Variants in EYS observed in about 807,000 individuals in gnomAD.
The protein encoded by EYS is EGF-like photoreceptor maintenance factor, also known as protein eyes shut homolog.
In EYS, 250 loss-of-function variants were observed where a neutral mutation model predicts 282.1. The observed-to-expected ratio is 0.89, with a 90% CI of 0.80 to 0.98. The LOEUF is 0.98. EYS is among the 50% of genes least tolerant of loss of function. The pLI, the probability that EYS is intolerant of heterozygous loss-of-function variation, is 0.00. For synonymous variants in EYS, 1,355 were observed against 1,282.9 expected (o/e 1.06, Z -1.20); for missense variants, 4,016 against 3,709.0 (o/e 1.08, Z -2.15).
chr6:65,552,927 C>T (rs1216830411), intron 2 of EYS, among the ~76,000 whole-genome samples: 3 of 151,220 alleles, frequency 2.0e-5, no homozygotes, highest in African/African-American at 4.8e-5. Flanking sequence ...AGCCAAATAT[C>T]GAGGAAATTG....
intron 33 of EYS, among the ~76,000 whole-genome samples, chr6:64,034,317 A>C (rs1770008432): frequency 6.6e-6 from 1 of 152,226 alleles, no homozygotes; most frequent in African/African-American, 2.4e-5. Context: ...CCAGAGACCA[A>C]GTACTTTTAT....
intron 15 of EYS, among the ~76,000 whole-genome samples, chr6:64,915,882 GA>G (rs1357620267): frequency 1.1e-4 from 16 of 152,084 alleles, no homozygotes; most frequent in African/African-American, 3.9e-4. Context: ...ATGGAACTTA[GA>G]ATCCAGATCT....
At chr6:64,407,953 A>G (rs1178759751) in intron 28 of EYS, among the ~76,000 whole-genome samples, 2 of 152,016 alleles carry the variant, frequency 1.3e-5, no homozygotes, top group Non-Finnish European at 2.9e-5. Flanking sequence ...GGCTGGTCTC[A>G]AACTCCTGAC....
At chr6:64,385,659 C>A (rs904009112) in intron 29 of EYS, among the ~76,000 whole-genome samples, 1 of 152,102 alleles carries the variant, frequency 6.6e-6, no homozygotes, top group African/African-American at 2.4e-5. Flanking sequence ...CATCTTTCTG[C>A]AATTTCAAAA....
At chr6:64,440,651 A>G (rs1774909281) in intron 26 of EYS, among the ~76,000 whole-genome samples, 1 of 152,116 alleles carries the variant, frequency 6.6e-6, no homozygotes, top group Non-Finnish European at 1.5e-5. Context: ...GCATAATACA[A>G]TAACATTTTA....
intron 33 of EYS, among the ~76,000 whole-genome samples, chr6:64,037,440 GC>G (rs974401486): frequency 1.3e-5 from 2 of 152,136 alleles, no homozygotes; most frequent in Admixed American, 6.5e-5. Flanking sequence ...ATTTGAGTTT[GC>G]ATCACAAAAT....
chr6:65,382,004 T>G (rs1383242262), intron 8 of EYS, among the ~76,000 whole-genome samples: 2 of 151,888 alleles, frequency 1.3e-5, no homozygotes, highest in Non-Finnish European at 2.9e-5. Context: ...TCATATTATC[T>G]CATGTGAACA....
chr6:64,568,600 C>T (rs1765629209), intron 26 of EYS, among the ~76,000 whole-genome samples: 1 of 152,124 alleles, frequency 6.6e-6, no homozygotes, highest in Non-Finnish European at 1.5e-5. Flanking sequence ...AAGAGAGAAG[C>T]GGATCTCCCA....
intron 13 of EYS, among the ~76,000 whole-genome samples, chr6:65,033,661 C>G (rs1174629133): frequency 6.6e-6 from 1 of 152,262 alleles, no homozygotes; most frequent in East Asian, 1.9e-4. Context: ...GCAGCCTCCT[C>G]CTGGATTTCA....
rs1766228932 is a variant in EYS, at chr6:65,495,566, T to C, written c.-156A>G. On this transcript the variant is annotated 5_prime_UTR_variant, in exon 4 of 43. Coordinates refer to ENST00000503581, the MANE Select transcript of EYS (RefSeq NM_001142800.2). ...ACCCAAAGTAGCTTTGATGACAATG[T>C]GCTTTGATGGAGAAACAGGAATTCA... 2 of 678,788 alleles carry C rather than the reference T, an allele frequency of 2.9e-6. No homozygotes were observed. The highest frequency in any genetic ancestry group is 5.4e-5 in the East Asian group (2 of 37,010). The allele number at this position is 678,788 out of a possible 1,614,324, so 42.0% of individuals were successfully genotyped here. A position where few individuals can be genotyped will look rare whatever the true frequency, so the allele number is the denominator to read the frequency against.
chr6:64,999,534 A>AC (rs1166353775), intron 13 of EYS, among the ~76,000 whole-genome samples: 1 of 152,126 alleles, frequency 6.6e-6, no homozygotes, highest in Non-Finnish European at 1.5e-5. Context: ...CTACGTGAGG[A>AC]CGGCACTCCT....
At chr6:63,965,188 A>G (rs1766247053) in intron 35 of EYS, among the ~76,000 whole-genome samples, 1 of 152,152 alleles carries the variant, frequency 6.6e-6, no homozygotes, top group Non-Finnish European at 1.5e-5. Context: ...TATCCTTTAT[A>G]GGGTAGAATT....
At chr6:65,204,076 C>T (rs1331698359) in intron 12 of EYS, among the ~76,000 whole-genome samples, 10 of 151,878 alleles carry the variant, frequency 6.6e-5, no homozygotes, top group Non-Finnish European at 2.9e-5. Context: ...TGTAAAGCGA[C>T]CAAATCTACG....
At chr6:63,856,638 A>G (rs1410108393) in intron 36 of EYS, among the ~76,000 whole-genome samples, 1 of 152,176 alleles carries the variant, frequency 6.6e-6, no homozygotes, top group African/African-American at 2.4e-5. Flanking sequence ...TGCCTCATGG[A>G]AATAGTTTTA....
chr6:64,616,632 A>G (rs916348946), intron 24 of EYS, among the ~76,000 whole-genome samples: 2 of 151,990 alleles, frequency 1.3e-5, no homozygotes, highest in Non-Finnish European at 2.9e-5. Flanking sequence ...TTCACTTCTG[A>G]GAAGGAGTTT....
intron 22 of EYS, among the ~76,000 whole-genome samples, chr6:64,676,342 A>ATATC (rs1562127883): frequency 6.9e-6 from 1 of 145,212 alleles, no homozygotes; most frequent in Non-Finnish European, 1.5e-5. Context: ...ATATATCTAT[A>ATATC]TATATATATA....
chr6:65,132,031 C>T (rs115146330), intron 12 of EYS, among the ~76,000 whole-genome samples: 3,642 of 152,010 alleles, frequency 0.024, 147 homozygotes, highest in African/African-American at 0.082. Flanking sequence ...GGAGTTGATT[C>T]CCTGAACAGA....
chr6:65,167,466 A>G (rs1164331834), intron 12 of EYS, among the ~76,000 whole-genome samples: 2 of 151,298 alleles, frequency 1.3e-5, no homozygotes, highest in African/African-American at 4.8e-5. Flanking sequence ...TTTTTATGGT[A>G]TGTGAATTAT....
At chr6:64,356,687 T>C (rs1771833696) in intron 29 of EYS, among the ~76,000 whole-genome samples, 1 of 151,646 alleles carries the variant, frequency 6.6e-6, no homozygotes, top group Non-Finnish European at 1.5e-5. Context: ...CTTCAGGTTC[T>C]GGTATAAAGA....
Sources: allele counts gnomAD v4.1 joint callset (sites outside exome capture counted in the v4.1 genomes callset), GRCh38; gene constraint gnomAD v4.1.1; transcripts MANE v1.5; gene names NCBI Gene and HGNC (gene_info 2026-07-23, HGNC 2026-07-21).